Variants in TPP2 observed in about 807,000 individuals in gnomAD.
TPP2 encodes the protein tripeptidyl peptidase 2.
TPP2 carries 34 observed loss-of-function variants against 155.9 expected under a neutral mutation model. The observed-to-expected ratio is 0.22, with a 90% confidence interval of 0.17 to 0.29. TPP2 has a LOEUF of 0.29. Among genes scored for constraint, TPP2 ranks in the 10% least tolerant of loss-of-function variants. The pLI, the probability that TPP2 is intolerant of heterozygous loss-of-function variation, is 1.00. For synonymous variants in TPP2, 510 were observed against 529.4 expected, an observed-to-expected ratio of 0.96 and a Z score of 0.50; for missense variants, 1,028 against 1,522.3, an observed-to-expected ratio of 0.68 and a Z score of 5.40.
At chr13:102,643,420 C>G in intron 17 of TPP2, 44 bp downstream of exon 17, 1 of 1,523,272 alleles carries the variant, frequency 6.6e-7, no homozygotes. Flanking sequence ...ATTTATTTGC[C>G]TTTTTGGTAT....
At chr13:102,637,573 C>G (rs1744637473) in intron 14 of TPP2, among the ~76,000 whole-genome samples, 1 of 109,224 alleles carries the variant, frequency 9.2e-6, no homozygotes. Context: ...TTTTAAGAGA[C>G]AGAGTCTTGC....
intron 2 of TPP2, among the ~76,000 whole-genome samples, chr13:102,607,086 A>C (rs1352361634): frequency 1.3e-5 from 2 of 152,210 alleles, no homozygotes; most frequent in African/African-American, 4.8e-5. Flanking sequence ...TGGCCTCTGT[A>C]AGCCAGGAAG....
At chr13:102,668,770 A>T (rs1426443098) in intron 27 of TPP2, among the ~76,000 whole-genome samples, 1 of 152,236 alleles carries the variant, frequency 6.6e-6, no homozygotes, top group Non-Finnish European at 1.5e-5. Flanking sequence ...GTTGCAGTGT[A>T]CAACGGAAAG....
rs527837603 is a variant in TPP2 at position 102,604,856 on chromosome 13, A to C, written c.229A>C (p.Asn77His). 6 of 1,614,174 alleles carry C rather than the reference A, an allele frequency of 3.7e-6. No individual in the cohort carries two copies. In the Admixed American group the frequency reaches 5.0e-5, roughly 13 times the overall value. ...IIDTTGSGDV[N>H]TATEVEPKDG... ...TGATACAACAGGAAGTGGCGATGTG[A>C]ATACTGCTACAGAAGTAGAGCCAAA... Residue 77 changes from asparagine to histidine, a missense_variant, in exon 2 of 30, where the codon AAT becomes CAT. Around this residue, in one of 7 missense-constraint regions of TPP2, gnomAD observed 300 missense variants for 398.3 expected, o/e 0.75. Transcript: ENST00000376052.
intron 21 of TPP2, among the ~76,000 whole-genome samples, chr13:102,647,811 A>G (rs1229615431): frequency 1.3e-5 from 2 of 152,354 alleles, no homozygotes; most frequent in Non-Finnish European, 1.5e-5. Flanking sequence ...ATGAGCACTT[A>G]CTACATACCA....
intron 1 of TPP2, among the ~76,000 whole-genome samples, chr13:102,600,262 A>G (rs2139400128): frequency 6.6e-6 from 1 of 152,190 alleles, no homozygotes; most frequent in South Asian, 2.1e-4. Context: ...ATGCCTTTAC[A>G]TGTGGCGTTT....
intron 18 of TPP2, 47 bp from the exon 19 acceptor site, chr13:102,644,862 T>C (rs1301046893): frequency 6.3e-7 from 1 of 1,593,714 alleles, no homozygotes; most frequent in Non-Finnish European, 8.6e-7. Flanking sequence ...AAAATATTGC[T>C]TATTTTTAGT....
chr13:102,614,389 TC>T (rs1328607017), intron 3 of TPP2, among the ~76,000 whole-genome samples, 193 bp downstream of exon 3: 22 of 152,230 alleles, frequency 1.4e-4, no homozygotes, highest in African/African-American at 3.9e-4. Context: ...AACTTGTGAT[TC>T]TTGATCTTGG....
At chr13:102,666,455 A>G (rs1331899506) in intron 27 of TPP2, among the ~76,000 whole-genome samples, 1 of 152,186 alleles carries the variant, frequency 6.6e-6, no homozygotes, top group Non-Finnish European at 1.5e-5. Context: ...GGCCTTGGTC[A>G]CTTTAAAACT....
chr13:102,669,431 A>G (rs769468716), intron 27 of TPP2, among the ~76,000 whole-genome samples: 50 of 152,228 alleles, frequency 3.3e-4, no homozygotes, highest in Non-Finnish European at 6.5e-4. Flanking sequence ...GGGCCGCTCC[A>G]TAAATGCAAA....
chr13:102,607,735 C>T (rs778349224), intron 2 of TPP2: 11 of 403,186 alleles, frequency 2.7e-5, no homozygotes, highest in South Asian at 5.2e-5. Context: ...TACAGGCATG[C>T]GCCATGACAC....
chr13:102,669,098 A>G (rs1266542181), intron 27 of TPP2, among the ~76,000 whole-genome samples: 2 of 152,188 alleles, frequency 1.3e-5, no homozygotes, highest in African/African-American at 4.8e-5. Context: ...ATTACTGTTT[A>G]TATCTTTCCA....
At chr13:102,611,733 T>C (rs188521961) in intron 2 of TPP2, among the ~76,000 whole-genome samples, 2 of 152,334 alleles carry the variant, frequency 1.3e-5, no homozygotes, top group East Asian at 3.9e-4. Flanking sequence ...ATAGAGATAT[T>C]CTCCTATATT....
At chr13:102,659,449 A>G (rs1274420322) in intron 25 of TPP2, among the ~76,000 whole-genome samples, 1 of 152,204 alleles carries the variant, frequency 6.6e-6, no homozygotes, top group African/African-American at 2.4e-5. Flanking sequence ...GATAAGGAGA[A>G]GATCTTGAGA....
chr13:102,641,255 G>A (rs151290476), intron 16 of TPP2, among the ~76,000 whole-genome samples: 7 of 152,232 alleles, frequency 4.6e-5, no homozygotes, highest in Non-Finnish European at 1.0e-4. Context: ...AGTATAGAAG[G>A]GTATGTCAGT....
intron 2 of TPP2, among the ~76,000 whole-genome samples, chr13:102,609,589 G>T (rs548722884): frequency 6.6e-6 from 1 of 151,856 alleles, no homozygotes; most frequent in South Asian, 2.1e-4. Context: ...TAGAGACAGG[G>T]TTTCACCATG....
At chr13:102,635,181 C>T (rs1191448666) in intron 11 of TPP2, among the ~76,000 whole-genome samples, 1 of 152,206 alleles carries the variant, frequency 6.6e-6, no homozygotes, top group African/African-American at 2.4e-5. Context: ...CATGAGACCT[C>T]AGCATCTTTT....
In TPP2 at chr13:102,635,712, C is replaced by T. The variant is rs1595170428; in HGVS notation, c.1509+10C>T. ...ACATGGTATTATTCAGGTATTGTTG[C>T]CTATATGAAAAATGGGTTGTAAAGC... On this transcript the variant is annotated intron_variant, in intron 12 of 29. Coordinates refer to ENST00000376052, the MANE Select transcript of TPP2 (RefSeq NM_001330588.2). The T allele has an allele frequency of 6.3e-7, 1 of 1,590,108 alleles. No homozygotes were observed. Among genetic ancestry groups the T allele is most frequent in the East Asian group, 2.2e-5 (1 of 44,690 alleles).
chr13:102,627,310 T>G, intron 7 of TPP2, 144 bp downstream of exon 7: 2 of 608,744 alleles, frequency 3.3e-6, no homozygotes, highest in Non-Finnish European at 4.7e-6. Context: ...AAATATTTAC[T>G]AATTTATTTT....
Sources: gnomAD v4.1 joint callset for allele counts (sites outside exome capture counted in the v4.1 genomes callset) on GRCh38, gnomAD v4.1.1 for gene constraint, gnomAD v4.1.1 regional missense constraint, MANE v1.5 for transcripts, NCBI Gene and HGNC (gene_info 2026-07-23, HGNC 2026-07-21) for gene names.